OR5T1: variants seen among roughly 807,000 people sequenced by gnomAD.
The protein encoded by OR5T1 is olfactory receptor family 5 subfamily T member 1, also known as olfactory receptor 5T1.
OR5T1 carries 14 observed loss-of-function variants against 10.1 expected under a neutral mutation model. The ratio of observed to expected loss-of-function variants is 1.39; its 90% CI spans 0.92 to 2.18. The LOEUF (loss-of-function observed/expected upper bound fraction) is 2.18. Ranked by LOEUF, OR5T1 falls within the 30% of genes most tolerant of loss-of-function variation. OR5T1 has a pLI of 0.00. For missense variants in OR5T1, 461 were observed against 383.9 expected (o/e 1.20, Z -1.68); for synonymous variants, 166 against 141.2 (o/e 1.18, Z -1.24).
Position 56,275,646 on chromosome 11 carries a change from G to A in OR5T1, c.8G>A (p.Gly3Glu), listed in dbSNP as rs772918061. The A allele has an allele frequency of 1.3e-6, 2 of 1,566,624 alleles. No individual in the cohort carries two copies. The highest frequency in any genetic ancestry group is 4.0e-5 in the Admixed American group (2 of 50,610). The change falls in exon 3 of 3, where the codon GGG (glycine) becomes GAG (glutamate). Residue 3 changes from glycine to glutamate, a missense_variant. Transcript: ENST00000641665. ...ATATAAACAATAGCTAAAATGTCAG[G>A]GTTGCCTTCAGATATGGATCTATAC... is the stretch of plus-strand genomic sequence containing the variant. MSGLPSDMDLYKL... is the reference protein window; with the variant it reads MSELPSDMDLYKL...
chr11:56,276,249 C>T lies in OR5T1; in HGVS notation c.611C>T (p.Thr204Ile), dbSNP rs767083425. 4 of 1,614,144 alleles carry T rather than the reference C, an allele frequency of 2.5e-6. No homozygotes were observed. The highest frequency in any genetic ancestry group is 1.3e-5 in the African/African-American group (1 of 75,044). The change falls in exon 3 of 3, where the codon ACT becomes ATT. Residue 204 changes from threonine (T) to isoleucine (I), a missense_variant. Physicochemically the swap from Thr to Ile is moderately conservative, Grantham distance 89. Transcript: ENST00000641665. Reference protein sequence around the residue: ...PPLLAISCSDTHVIQLLFFYF... With the variant: ...PPLLAISCSDIHVIQLLFFYF... ...CTGCTTGCTATTTCTTGTTCTGACA[C>T]TCACGTAATCCAGCTTCTATTCTTC...
chr11:56,275,996 G>T lies in OR5T1; in HGVS notation c.358G>T (p.Gly120Ter). 1 of 1,614,028 alleles carries T rather than the reference G, an allele frequency of 6.2e-7. No individual in the cohort carries two copies. The highest frequency in any genetic ancestry group is 1.1e-5 in the South Asian group (1 of 91,070). ...ATQMFLACTFGTTECFLLAAM... is the reference protein window; with the variant it reads ...ATQMFLACTF ...ACAGATGTTTCTTGCTTGTACTTTTGGAACCACAGAATGCTTTCTCTTGGC... is the reference window on the plus strand; with the variant it reads ...ACAGATGTTTCTTGCTTGTACTTTTTGAACCACAGAATGCTTTCTCTTGGC... The change falls in exon 3 of 3, where the codon GGA becomes TGA. Residue 120 changes from glycine to a stop codon, truncating the protein, a stop_gained. Transcript: ENST00000641665. LOFTEE classifies it high-confidence loss of function.
At position 56,275,978 on chromosome 11, in the gene OR5T1, T is replaced by A. The variant is rs781250010; in HGVS notation, c.340T>A (p.Phe114Ile). The A allele has an allele frequency of 1.4e-5, 22 of 1,614,206 alleles. No individual in the cohort carries two copies. Among genetic ancestry groups the A allele is most frequent in the Non-Finnish European group, 1.9e-5 (22 of 1,180,034 alleles). ...ATTTCTTGGATGTGCAACACAGATGTTTCTTGCTTGTACTTTTGGAACCAC... is the reference window on the plus strand; with the variant it reads ...ATTTCTTGGATGTGCAACACAGATGATTCTTGCTTGTACTTTTGGAACCAC... ...ISFLGCATQM[F>I]LACTFGTTEC... The change falls in exon 3 of 3, where the codon TTT becomes ATT. Residue 114 changes from phenylalanine to isoleucine, a missense_variant. Physicochemically the swap from Phe to Ile is conservative, Grantham distance 21. Transcript: ENST00000641665.
rs1853932039 is a variant in OR5T1, at chr11:56,275,900, G to A, written c.262G>A (p.Val88Ile). 1 of 1,614,102 alleles carries A rather than the reference G, an allele frequency of 6.2e-7. No homozygotes were observed. Among genetic ancestry groups the A allele is most frequent in the Non-Finnish European group, 8.5e-7 (1 of 1,180,014 alleles). The change falls in exon 3 of 3, where the codon GTT becomes ATT. Residue 88 changes from valine to isoleucine, a missense_variant. Physicochemically the swap from Val to Ile is conservative, Grantham distance 29. Transcript: ENST00000641665. ...ATTCTTGGATGTCTGCTATTCTACA[G>A]TTGTCACTCCAAAAATGTTGGTCAA... Reference protein sequence around the residue: ...LSFLDVCYSTVVTPKMLVNFL... With the variant: ...LSFLDVCYSTIVTPKMLVNFL...
chr11:56,275,084 T>A (rs11227737), intron 2 of OR5T1, among the ~76,000 whole-genome samples: 3,534 of 152,330 alleles, frequency 0.023, 128 homozygotes, highest in African/African-American at 0.08. Context: ...GTAGTACATT[T>A]GATGGAAAAT....
At position 56,276,027 on chromosome 11, in the gene OR5T1, TG is replaced by T. The variant is rs552675791; in HGVS notation, c.391del (p.Ala131LeufsTer6). 308 of 1,614,092 alleles carry T rather than the reference TG, an allele frequency of 1.9e-4. 1 individual carries two copies. Among genetic ancestry groups the T allele is most frequent in the Non-Finnish European group, 2.5e-4 (298 of 1,180,042 alleles). ...ACAGAATGCTTTCTCTTGGCTGCAA[TG>T]GCTTATGATCGCTATGTAGCCATCT... Reference protein sequence around the residue: ...GTTECFLLAAMAYDRYVAIYN... With the variant: ...GTTECFLLAAXAYDRYVAIYN... On this transcript the variant is annotated frameshift_variant, in exon 3 of 3. Coordinates refer to ENST00000641665, the MANE Select transcript of OR5T1 (RefSeq NM_001004745.2). LOFTEE classifies it high-confidence loss of function.
chr11:56,275,770 A>T lies in OR5T1; in HGVS notation c.132A>T (p.Leu44Phe). The stretch of plus-strand genomic sequence containing the variant: ...AAGTCTTCCTATTTTTATTATTTTT[A>T]GCAATCTATCTATTCACTCTAATAG... ...DVQVFLFLLF[L>F]AIYLFTLIGN... Residue 44 changes from leucine (L) to phenylalanine (F), a missense_variant, in exon 3 of 3, where the codon TTA becomes TTT. Coordinates refer to ENST00000641665, the MANE Select transcript of OR5T1 (RefSeq NM_001004745.2). 1 of 1,612,866 alleles carries T rather than the reference A, an allele frequency of 6.2e-7. No homozygotes were observed. Among genetic ancestry groups the T allele is most frequent in the Non-Finnish European group, 8.5e-7 (1 of 1,178,938 alleles).
rs759623191 is a variant in OR5T1 at position 56,275,902 on chromosome 11, T to C, written c.264T>C (p.Val88=). ...TCTTGGATGTCTGCTATTCTACAGT[T>C]GTCACTCCAAAAATGTTGGTCAATT... ...LSFLDVCYST[V]VTPKMLVNFL... is the part of the protein sequence containing the mutation. The change falls in exon 3 of 3, where the codon GTT becomes GTC. Residue 88 remains valine, a synonymous_variant. Coordinates refer to ENST00000641665, the MANE Select transcript of OR5T1 (RefSeq NM_001004745.2). 1.9e-6 allele frequency: 3 copies of C among 1,614,216 alleles called. No homozygotes were observed. In the South Asian group the frequency reaches 3.3e-5, roughly 18 times the overall value.
rs753689420 is a variant in OR5T1 at position 56,276,001 on chromosome 11, C to T, written c.363C>T (p.Thr121=). The T allele has an allele frequency of 1.9e-6, 3 of 1,613,334 alleles. No individual in the cohort carries two copies. Among genetic ancestry groups the T allele is most frequent in the South Asian group, 1.1e-5 (1 of 90,302 alleles). ...TGTTTCTTGCTTGTACTTTTGGAAC[C>T]ACAGAATGCTTTCTCTTGGCTGCAA... ...TQMFLACTFG[T]TECFLLAAMA... The change falls in exon 3 of 3, where the codon ACC becomes ACT. Residue 121 remains threonine, a synonymous_variant. Coordinates refer to ENST00000641665, the MANE Select transcript of OR5T1 (RefSeq NM_001004745.2).
Position 56,276,644 on chromosome 11 carries a change from A to G in OR5T1, c.*25A>G. 6.5e-7 allele frequency: 1 copy of G among 1,547,198 alleles called. No homozygotes were observed. Among genetic ancestry groups the G allele is most frequent in the Non-Finnish European group, 8.8e-7 (1 of 1,132,896 alleles). On this transcript the variant is annotated 3_prime_UTR_variant, in exon 3 of 3. Transcript: ENST00000641665. Reference sequence around the variant, plus strand: ...GTTTTAAAATTGAGTAAAGTTGCAAATAATATTGGGTGTCAGTCCACATCT... The same window carrying G: ...GTTTTAAAATTGAGTAAAGTTGCAAGTAATATTGGGTGTCAGTCCACATCT...
chr11:56,275,571 G>A lies in OR5T1; in HGVS notation c.-68G>A, dbSNP rs1264592438. 3.2e-6 allele frequency: 4 copies of A among 1,249,708 alleles called. No individual in the cohort carries two copies. In the East Asian group the frequency reaches 7.2e-5, roughly 22 times the overall value. 77.4% of individuals were successfully genotyped at this position (1,249,708 alleles called of 1,614,324 possible). A position where few individuals can be genotyped will look rare whatever the true frequency, so the allele number is the denominator to read the frequency against. On this transcript the variant is annotated 5_prime_UTR_variant, in exon 3 of 3. It removes an upstream start codon present in the reference 5' UTR. Transcript: ENST00000641665. ...TCTTGCTTTTCCAAGAAACGAACAT[G>A]AGGATATAATTGGATAAACTTAATT...
rs748829797 is a variant in OR5T1, at chr11:56,275,723, T to C, written c.85T>C (p.Phe29Leu). Residue 29 changes from phenylalanine to leucine, a missense_variant, in exon 3 of 3, where the codon TTC (phenylalanine) becomes CTC (leucine). Transcript: ENST00000641665. ...TEVTMFILIS[F>L]TEEFDVQVFL... ...AGTCACCATGTTTATATTAATAAGC[T>C]TCACAGAAGAATTTGATGTGCAAGT... 2 of 1,610,318 alleles carry C rather than the reference T, an allele frequency of 1.2e-6. No homozygotes were observed. The highest frequency in any genetic ancestry group is 1.7e-6 in the Non-Finnish European group (2 of 1,176,840).
Position 56,275,671 on chromosome 11 carries a change from C to A in OR5T1, c.33C>A (p.Tyr11Ter), listed in dbSNP as rs780274562. ...GGTTGCCTTCAGATATGGATCTATA[C>A]AAGCTTCAATTAAACAATTTTACTG... MSGLPSDMDL[Y>*]KLQLNNFTEV... The change falls in exon 3 of 3, where the codon TAC (tyrosine) becomes TAA (stop). Residue 11 changes from tyrosine (Y) to a stop codon, truncating the protein, a stop_gained. Transcript: ENST00000641665. LOFTEE classifies it high-confidence loss of function. 1.9e-6 allele frequency: 3 copies of A among 1,604,592 alleles called. No homozygotes were observed. In the South Asian group the frequency reaches 3.4e-5, roughly 18 times the overall value.
rs1405479380 is a variant in OR5T1, at chr11:56,276,484, T to A, written c.846T>A (p.Asn282Lys). The A allele has an allele frequency of 6.2e-7, 1 of 1,613,992 alleles. No individual in the cohort carries two copies. The highest frequency in any genetic ancestry group is 1.3e-5 in the African/African-American group (1 of 74,922). The change falls in exon 3 of 3, where the codon AAT becomes AAA. Residue 282 changes from asparagine (N) to lysine (K), a missense_variant. Asn to Lys is a moderately conservative substitution (Grantham distance 94, BLOSUM62 0). Coordinates refer to ENST00000641665, the MANE Select transcript of OR5T1 (RefSeq NM_001004745.2). Reference protein sequence around the residue: ...VRPSSSYTSDNDMIVSIFYTI... With the variant: ...VRPSSSYTSDKDMIVSIFYTI... ...CAAGTTCCAGCTACACTTCGGACAA[T>A]GACATGATAGTGTCAATATTTTATA...
rs144926443 is a variant in OR5T1 at position 56,276,460 on chromosome 11, A to T, written c.822A>T (p.Pro274=). Residue 274 remains proline (P), a synonymous_variant, in exon 3 of 3, where the codon CCA becomes CCT. Transcript: ENST00000641665. ...HGTILFMYVR[P]SSSYTSDNDM... ...CAATCCTCTTCATGTATGTGAGACCAAGTTCCAGCTACACTTCGGACAATG... is the reference window on the plus strand; with the variant it reads ...CAATCCTCTTCATGTATGTGAGACCTAGTTCCAGCTACACTTCGGACAATG... 1.4e-5 allele frequency: 23 copies of T among 1,613,960 alleles called. No homozygotes were observed. Among genetic ancestry groups the T allele is most frequent in the Non-Finnish European group, 1.9e-5 (22 of 1,179,970 alleles).
chr11:56,274,542 G>A (rs530529508), intron 1 of OR5T1, 94 bp from the exon 2 acceptor site: 14 of 151,952 alleles, frequency 9.2e-5, no homozygotes, highest in Admixed American at 3.9e-4. Context: ...AAATTGACAC[G>A]TCTGATATTG....
chr11:56,276,206 T>A lies in OR5T1; in HGVS notation c.568T>A (p.Phe190Ile). 6.2e-7 allele frequency: 1 copy of A among 1,614,146 alleles called. No individual in the cohort carries two copies. Among genetic ancestry groups the A allele is most frequent in the East Asian group, 2.2e-5 (1 of 44,864 alleles). Reference sequence around the variant, plus strand: ...TGGATCCAATGAAATTAGGCATGTCTTTTGTAATATGCCTCCTCTGCTTGC... The same window carrying A: ...TGGATCCAATGAAATTAGGCATGTCATTTGTAATATGCCTCCTCTGCTTGC... ...FCGSNEIRHV[F>I]CNMPPLLAIS... The change falls in exon 3 of 3, where the codon TTT becomes ATT. Residue 190 changes from phenylalanine (F) to isoleucine (I), a missense_variant. Coordinates refer to ENST00000641665, the MANE Select transcript of OR5T1 (RefSeq NM_001004745.2).
chr11:56,276,378 G>C lies in OR5T1; in HGVS notation c.740G>C (p.Arg247Thr), dbSNP rs746506086. Residue 247 changes from arginine to threonine, a missense_variant, in exon 3 of 3, where the codon AGA becomes ACA. Coordinates refer to ENST00000641665, the MANE Select transcript of OR5T1 (RefSeq NM_001004745.2). ...AAGATGCAGTCTGCTGAAGGGAGGAGAAAAGTCTTCTCTACATGTGGAGCT... is the reference window on the plus strand; with the variant it reads ...AAGATGCAGTCTGCTGAAGGGAGGACAAAAGTCTTCTCTACATGTGGAGCT... Reference protein sequence around the residue: ...ILKMQSAEGRRKVFSTCGAHL... With the variant: ...ILKMQSAEGRTKVFSTCGAHL... 16 of 1,614,000 alleles carry C rather than the reference G, an allele frequency of 9.9e-6. No homozygotes were observed. The highest frequency in any genetic ancestry group is 1.3e-5 in the Non-Finnish European group (15 of 1,180,034).
In OR5T1 at chr11:56,275,744, CA is replaced by C; in HGVS notation, c.108del (p.Val37SerfsTer8). 2 of 1,610,358 alleles carry C rather than the reference CA, an allele frequency of 1.2e-6. No individual in the cohort carries two copies. Among genetic ancestry groups the C allele is most frequent in the Non-Finnish European group, 1.7e-6 (2 of 1,176,748 alleles). ...AAGCTTCACAGAAGAATTTGATGTGCAAGTCTTCCTATTTTTATTATTTTTA... is the reference window on the plus strand; with the variant it reads ...AAGCTTCACAGAAGAATTTGATGTGCAGTCTTCCTATTTTTATTATTTTTA... ...LISFTEEFDV[Q>X]VFLFLLFLAI... On this transcript the variant is annotated frameshift_variant, in exon 3 of 3. Coordinates refer to ENST00000641665, the MANE Select transcript of OR5T1 (RefSeq NM_001004745.2). LOFTEE classifies it high-confidence loss of function.
Sources: allele counts gnomAD v4.1 joint callset (sites outside exome capture counted in the v4.1 genomes callset), GRCh38; gene constraint gnomAD v4.1.1; transcripts MANE v1.5; gene names NCBI Gene and HGNC (gene_info 2026-07-23, HGNC 2026-07-21).